Variants in FOXP2 observed in about 807,000 individuals in gnomAD.
The protein encoded by FOXP2 is forkhead box protein P2.
In FOXP2, 12 loss-of-function variants were observed where a neutral mutation model predicts 115.8. That is an observed-to-expected ratio of 0.10 (90% CI 0.07 to 0.17). The LOEUF (loss-of-function observed/expected upper bound fraction) is 0.17. Ranked by LOEUF, FOXP2 falls within the 10% of genes least tolerant of loss-of-function variation. The pLI, the probability that FOXP2 is intolerant of heterozygous loss-of-function variation, is 1.00. For missense variants in FOXP2, 629 were observed against 843.5 expected, an observed-to-expected ratio of 0.75 and a Z score of 3.15; for synonymous variants, 328 against 297.7, an observed-to-expected ratio of 1.10 and a Z score of -1.05.
chr7:114,354,784 CACATATATGTGAA>C (rs1237533863), intron 2 of FOXP2, among the ~76,000 whole-genome samples: 1 of 152,086 alleles, frequency 6.6e-6, no homozygotes, highest in East Asian at 1.9e-4. Context: ...GTTTTGAAAT[CACATATATGTGAA>C]AAAAGGTTCA....
At chr7:114,109,624 A>G (rs1470659624) in intron 1 of FOXP2, among the ~76,000 whole-genome samples, 2 of 152,124 alleles carry the variant, frequency 1.3e-5, no homozygotes, top group East Asian at 3.9e-4. Context: ...TGTATGCTTT[A>G]TATATTAACT....
intron 1 of FOXP2, among the ~76,000 whole-genome samples, chr7:114,238,645 G>A (rs1795071980): frequency 6.6e-6 from 1 of 151,948 alleles, no homozygotes; most frequent in Non-Finnish European, 1.5e-5. Context: ...GGTGGTTCGT[G>A]CCTGTAGTCC....
intron 16 of FOXP2, chr7:114,664,914 T>C (rs2396765): frequency 0.36 from 60,034 of 168,984 alleles, 11,851 homozygotes; most frequent in Non-Finnish European, 0.45. Context: ...TAGAAGCTAG[T>C]AAAGTGTAAC....
chr7:114,568,670 C>T (rs1404821813), intron 3 of FOXP2, among the ~76,000 whole-genome samples: 2 of 151,842 alleles, frequency 1.3e-5, no homozygotes, highest in Non-Finnish European at 2.9e-5. Flanking sequence ...TAATGAAAAC[C>T]TCTTTTTTAA....
At chr7:114,296,242 T>G (rs1796738853) in intron 2 of FOXP2, among the ~76,000 whole-genome samples, 1 of 152,218 alleles carries the variant, frequency 6.6e-6, no homozygotes, top group Admixed American at 6.5e-5. Flanking sequence ...CTTTTGGGAC[T>G]ACAATATTGT....
At chr7:114,440,788 A>G (rs1794565205) in intron 2 of FOXP2, among the ~76,000 whole-genome samples, 1 of 152,204 alleles carries the variant, frequency 6.6e-6, no homozygotes, top group Non-Finnish European at 1.5e-5. Flanking sequence ...ATCCTACTGT[A>G]CATCAGTACT....
chr7:114,212,905 A>G (rs1451729789), intron 1 of FOXP2, among the ~76,000 whole-genome samples: 1 of 152,222 alleles, frequency 6.6e-6, no homozygotes, highest in Non-Finnish European at 1.5e-5. Flanking sequence ...TGCTCCAGTC[A>G]CAATATATGT....
At chr7:114,557,967 C>A (rs1008477174) in intron 3 of FOXP2, among the ~76,000 whole-genome samples, 3 of 152,026 alleles carry the variant, frequency 2.0e-5, no homozygotes, top group African/African-American at 7.2e-5. Flanking sequence ...CACCACCACA[C>A]CTGGCTAATT....
At chr7:114,172,890 T>G (rs893095124) in intron 1 of FOXP2, among the ~76,000 whole-genome samples, 4 of 152,086 alleles carry the variant, frequency 2.6e-5, no homozygotes, top group African/African-American at 7.2e-5. Context: ...AAACAATATT[T>G]CGTGATGTTA....
chr7:114,480,048 G>A (rs1187193557), intron 2 of FOXP2, among the ~76,000 whole-genome samples: 1 of 151,160 alleles, frequency 6.6e-6, no homozygotes, highest in Non-Finnish European at 1.5e-5. Flanking sequence ...TGGACTTTAG[G>A]GGGCAGTGAC....
At chr7:114,349,094 G>T (rs751683799) in intron 2 of FOXP2, among the ~76,000 whole-genome samples, 100 of 151,912 alleles carry the variant, frequency 6.6e-4, no homozygotes, top group Non-Finnish European at 1.1e-3. Context: ...TTCAGACATT[G>T]TTCCTGTCCC....
At chr7:114,266,650 A>G (rs993168256) in intron 1 of FOXP2, among the ~76,000 whole-genome samples, 2 of 152,136 alleles carry the variant, frequency 1.3e-5, no homozygotes, top group Non-Finnish European at 2.9e-5. Context: ...CCCCACCTCC[A>G]ACACTGGGGG....
At chr7:114,451,620 T>C (rs1392384953) in intron 2 of FOXP2, among the ~76,000 whole-genome samples, 1 of 152,082 alleles carries the variant, frequency 6.6e-6, no homozygotes, top group Non-Finnish European at 1.5e-5. Flanking sequence ...TATGAAAATA[T>C]AGTGCTTGCC....
intron 1 of FOXP2, among the ~76,000 whole-genome samples, chr7:114,276,622 AC>A (rs1244093649): frequency 6.6e-6 from 1 of 152,156 alleles, no homozygotes; most frequent in African/African-American, 2.4e-5. Context: ...GATTGTCCTC[AC>A]TGAAATTCCA....
chr7:114,224,319 C>T (rs1794695795), intron 1 of FOXP2, among the ~76,000 whole-genome samples: 1 of 152,090 alleles, frequency 6.6e-6, no homozygotes, highest in Non-Finnish European at 1.5e-5. Flanking sequence ...TTGGGATTTT[C>T]ATAGAAATAG....
intron 1 of FOXP2, among the ~76,000 whole-genome samples, chr7:114,113,746 C>A (rs1344272820): frequency 1.3e-5 from 2 of 152,052 alleles, no homozygotes; most frequent in Non-Finnish European, 2.9e-5. Flanking sequence ...CCAAGTGATC[C>A]TCCTGCCTTG....
chr7:114,682,364 G>A (rs561554979), intron 16 of FOXP2, among the ~76,000 whole-genome samples: 30 of 152,072 alleles, frequency 2.0e-4, no homozygotes, highest in African/African-American at 6.5e-4. Flanking sequence ...AATGCATCAC[G>A]GTAAATTATA....
At chr7:114,499,338 AT>A (rs1797462910) in intron 2 of FOXP2, 1 of 156,474 alleles carries the variant, frequency 6.4e-6, no homozygotes, top group Non-Finnish European at 1.4e-5. Flanking sequence ...ATTATAATGG[AT>A]CTATATAAAA....
At chr7:114,343,561 T>C (rs1791264563) in intron 2 of FOXP2, among the ~76,000 whole-genome samples, 1 of 151,662 alleles carries the variant, frequency 6.6e-6, no homozygotes, top group Non-Finnish European at 1.5e-5. Flanking sequence ...AAACCAATAA[T>C]GATTTATATT....
Sources: gnomAD v4.1 joint callset for allele counts (sites outside exome capture counted in the v4.1 genomes callset) on GRCh38, gnomAD v4.1.1 for gene constraint, MANE v1.5 for transcripts, NCBI Gene and HGNC (gene_info 2026-07-23, HGNC 2026-07-21) for gene names.